The following RIMS2 variants were observed in gnomAD, a reference collection of about 807,000 sequenced individuals.
RIMS2 encodes the protein regulating synaptic membrane exocytosis protein 2.
RIMS2 carries 59 observed loss-of-function variants against 174.4 expected under a neutral mutation model. That is an observed-to-expected ratio of 0.34 (90% CI 0.27 to 0.42). The LOEUF (loss-of-function observed/expected upper bound fraction) is 0.42, where lower values mean the gene tolerates loss of function less well. RIMS2 is among the 10% of genes least tolerant of loss of function. The pLI is 1.00. For synonymous variants in RIMS2, 606 were observed against 572.5 expected (o/e 1.06, Z -0.84); for missense variants, 1,620 against 1,666.3 (o/e 0.97, Z 0.48).
chr8:103,778,127 G>T lies in RIMS2; in HGVS notation c.698+11590G>T, dbSNP rs543053364. ...GAAAAGTACACATTTATGTATTTTT[G>T]ATTTTTTATTGATGTATAATACATA... On this transcript the variant is annotated intron_variant, in intron 3 of 23. Coordinates refer to ENST00000504942, the Ensembl canonical transcript of RIMS2. Among the ~76,000 whole-genome samples, 29 of 151,986 alleles carry T rather than the reference G, an allele frequency of 1.9e-4. No individual in the cohort carries two copies. In the South Asian group the frequency reaches 4.6e-3, roughly 24 times the overall value.
At chr8:103,559,992 T>C (rs2091321302) in intron 1 of RIMS2, among the ~76,000 whole-genome samples, 2 of 152,250 alleles carry the variant, frequency 1.3e-5, no homozygotes, top group South Asian at 4.1e-4. Flanking sequence ...AAATCTTTTA[T>C]AGCATGTAGT....
intron 1 of RIMS2, among the ~76,000 whole-genome samples, chr8:103,509,250 T>A (rs1240661826): frequency 6.6e-6 from 1 of 151,990 alleles, no homozygotes; most frequent in Non-Finnish European, 1.5e-5. Flanking sequence ...CTTATAAAAT[T>A]TTTTCTACTG....
intron 19 of RIMS2, among the ~76,000 whole-genome samples, chr8:104,191,811 G>A (rs1354715385): frequency 6.6e-6 from 1 of 151,928 alleles, no homozygotes; most frequent in African/African-American, 2.4e-5. Flanking sequence ...CACTATGTTG[G>A]CTAGGTTGGT....
chr8:103,956,379 C>A (rs2087219055), intron 14 of RIMS2, among the ~76,000 whole-genome samples: 1 of 152,180 alleles, frequency 6.6e-6, no homozygotes, highest in Admixed American at 6.5e-5. Context: ...ACCAAAAGAG[C>A]ATGGCACTGG....
chr8:103,756,397 T>G (rs1168123605), intron 2 of RIMS2, among the ~76,000 whole-genome samples: 2 of 151,110 alleles, frequency 1.3e-5, no homozygotes, highest in Non-Finnish European at 2.9e-5. Context: ...TTTGTTTTTT[T>G]TTTTTTGCAG....
chr8:104,232,978 A>G (rs2099238976), intron 19 of RIMS2, among the ~76,000 whole-genome samples: 1 of 152,166 alleles, frequency 6.6e-6, no homozygotes, highest in African/African-American at 2.4e-5. Context: ...TGGTAAGAAA[A>G]AAAAAACTAA....
chr8:104,060,496 T>C (rs1238073599), intron 19 of RIMS2, among the ~76,000 whole-genome samples: 1 of 151,386 alleles, frequency 6.6e-6, no homozygotes, highest in Non-Finnish European at 1.5e-5. Context: ...GTCTATCAAT[T>C]TTGTTGATCC....
chr8:104,133,667 A>G (rs2098492645), intron 19 of RIMS2, among the ~76,000 whole-genome samples: 1 of 152,172 alleles, frequency 6.6e-6, no homozygotes, highest in South Asian at 2.1e-4. Flanking sequence ...CTGTTGCAGT[A>G]GAGAGTGGCA....
intron 4 of RIMS2, among the ~76,000 whole-genome samples, chr8:103,902,120 G>A (rs1328266972): frequency 6.6e-6 from 1 of 152,074 alleles, no homozygotes; most frequent in Non-Finnish European, 1.5e-5. Flanking sequence ...AAGATTGTTG[G>A]CAGAATTTAT....
intron 3 of RIMS2, among the ~76,000 whole-genome samples, chr8:103,864,558 A>T (rs2099075616): frequency 6.6e-6 from 1 of 152,088 alleles, no homozygotes; most frequent in Admixed American, 6.5e-5. Context: ...TTTTGATTTT[A>T]AAAAATTTCC....
At chr8:103,787,928 C>T (rs1458145734) in intron 3 of RIMS2, among the ~76,000 whole-genome samples, 5 of 152,124 alleles carry the variant, frequency 3.3e-5, no homozygotes, top group African/African-American at 4.8e-5. Flanking sequence ...TAGATTTGGT[C>T]TTTTCACATA....
At chr8:103,736,589 T>G (rs2097688464) in intron 2 of RIMS2, among the ~76,000 whole-genome samples, 1 of 152,218 alleles carries the variant, frequency 6.6e-6, no homozygotes, top group Admixed American at 6.5e-5. Flanking sequence ...TGTCCAGTTA[T>G]GAATTGGCTG....
chr8:104,127,643 A>T (rs2098442556), intron 19 of RIMS2, among the ~76,000 whole-genome samples: 1 of 152,186 alleles, frequency 6.6e-6, no homozygotes, highest in Non-Finnish European at 1.5e-5. Flanking sequence ...GATGATAATA[A>T]TACTTCCTCA....
chr8:103,551,448 C>T (rs999122210), intron 1 of RIMS2, among the ~76,000 whole-genome samples: 1 of 152,150 alleles, frequency 6.6e-6, no homozygotes, highest in African/African-American at 2.4e-5. Context: ...TGGGATGTAT[C>T]TCAAAATAAT....
intron 19 of RIMS2, among the ~76,000 whole-genome samples, chr8:104,024,190 C>T (rs1045651211): frequency 6.6e-6 from 1 of 152,178 alleles, no homozygotes; most frequent in African/African-American, 2.4e-5. Context: ...TTCTTGTTCA[C>T]TTGGCTTCTT....
intron 19 of RIMS2, among the ~76,000 whole-genome samples, chr8:104,063,144 C>A (rs1332730340): frequency 6.6e-6 from 1 of 151,914 alleles, no homozygotes; most frequent in African/African-American, 2.4e-5. Context: ...CTACTGATTA[C>A]AACTTAATAT....
At chr8:103,712,574 A>G (rs2097319524) in intron 2 of RIMS2, among the ~76,000 whole-genome samples, 1 of 152,204 alleles carries the variant, frequency 6.6e-6, no homozygotes, top group Admixed American at 6.5e-5. Flanking sequence ...CAAGTTAAAT[A>G]GATTTCATTT....
chr8:104,116,246 T>C (rs2098276078), intron 19 of RIMS2, among the ~76,000 whole-genome samples: 1 of 152,212 alleles, frequency 6.6e-6, no homozygotes. Context: ...TGCCTCATTT[T>C]TCTCAGATAA....
chr8:104,187,041 G>A (rs2098971903), intron 19 of RIMS2, among the ~76,000 whole-genome samples: 1 of 151,700 alleles, frequency 6.6e-6, no homozygotes, highest in Non-Finnish European at 1.5e-5. Flanking sequence ...GACAGACTGA[G>A]AAATGAAACA....
Sources: gnomAD v4.1 joint callset for allele counts (sites outside exome capture counted in the v4.1 genomes callset) on GRCh38, gnomAD v4.1.1 for gene constraint, MANE v1.5 for transcripts, NCBI Gene and HGNC (gene_info 2026-07-23, HGNC 2026-07-21) for gene names.